NALF1: variants seen among roughly 807,000 people sequenced by gnomAD.
The protein encoded by NALF1 is NALCN channel auxiliary factor 1.
A neutral mutation model predicts 48.4 loss-of-function variants in NALF1; 3 were observed. That is an observed-to-expected ratio of 0.06 (90% CI 0.03 to 0.16). The LOEUF (loss-of-function observed/expected upper bound fraction) is 0.16, where lower values mean the gene tolerates loss of function less well. Among genes scored for constraint, NALF1 ranks in the 10% least tolerant of loss-of-function variants. The probability of loss-of-function intolerance (pLI) is 1.00; values close to 1 mark genes in which losing one functional copy is unlikely to be tolerated. For synonymous variants in NALF1, 262 were observed against 245.7 expected, an observed-to-expected ratio of 1.07 and a Z score of -0.62; for missense variants, 526 against 571.5, an observed-to-expected ratio of 0.92 and a Z score of 0.81.
intron 1 of NALF1, among the ~76,000 whole-genome samples, chr13:107,452,354 G>A (rs1427098588): frequency 6.6e-6 from 1 of 152,158 alleles, no homozygotes; most frequent in Non-Finnish European, 1.5e-5. Flanking sequence ...GACTGGGGAG[G>A]CCTCAGGAAA....
chr13:107,503,078 A>C (rs1875572829), intron 1 of NALF1, among the ~76,000 whole-genome samples: 1 of 152,140 alleles, frequency 6.6e-6, no homozygotes, highest in African/African-American at 2.4e-5. Flanking sequence ...ATAAAACTGA[A>C]TGTGAATGGT....
intron 1 of NALF1, among the ~76,000 whole-genome samples, chr13:107,840,590 A>T (rs1880017102): frequency 6.6e-6 from 1 of 152,228 alleles, no homozygotes; most frequent in Non-Finnish European, 1.5e-5. Flanking sequence ...GCACACAGAC[A>T]TTCAGTGTAC....
At position 107,528,238 on chromosome 13, in the gene NALF1, C is replaced by G. The variant is rs955986361; in HGVS notation, c.916-317483G>C. 3.3e-5 allele frequency among the ~76,000 whole-genome samples: 5 copies of G among 152,004 alleles called. No individual in the cohort carries two copies. The South Asian group carries it at 1.0e-3, about 32-fold the overall frequency. ...AGACCTATTAGAAAAAAAAATAGTT[C>G]CACAATGGGGCCAATATGTTCATGT... On this transcript the variant is annotated intron_variant, in intron 1 of 2. Coordinates refer to ENST00000375915, the MANE Select transcript of NALF1 (RefSeq NM_001080396.3).
intron 1 of NALF1, among the ~76,000 whole-genome samples, chr13:107,858,621 A>C (rs1880494346): frequency 6.6e-6 from 1 of 152,240 alleles, no homozygotes; most frequent in Admixed American, 6.5e-5. Context: ...TGGGAGACAG[A>C]GGTAGCAGTG....
intron 1 of NALF1, among the ~76,000 whole-genome samples, chr13:107,394,522 G>A (rs1373188251): frequency 1.3e-5 from 2 of 152,140 alleles, no homozygotes; most frequent in African/African-American, 4.8e-5. Context: ...ACAGGCCTGT[G>A]TATAGACATA....
chr13:107,375,519 A>G (rs776919780), intron 1 of NALF1, among the ~76,000 whole-genome samples: 1 of 152,124 alleles, frequency 6.6e-6, no homozygotes, highest in Non-Finnish European at 1.5e-5. Flanking sequence ...GCTTTGCTCA[A>G]TTTCAGTTAT....
chr13:107,633,194 T>C (rs1012410645), intron 1 of NALF1, among the ~76,000 whole-genome samples: 16 of 152,098 alleles, frequency 1.1e-4, no homozygotes, highest in African/African-American at 3.9e-4. Context: ...TTTTAGGAGT[T>C]AGTGACTTTT....
chr13:107,400,851 T>C (rs552779491), intron 1 of NALF1, among the ~76,000 whole-genome samples: 94 of 152,292 alleles, frequency 6.2e-4, no homozygotes, highest in Admixed American at 6.0e-3. Flanking sequence ...CAAACCTTCA[T>C]ATATCACTGG....
intron 1 of NALF1, among the ~76,000 whole-genome samples, chr13:107,654,104 T>C (rs923568130): frequency 1.4e-4 from 21 of 152,066 alleles, no homozygotes; most frequent in Non-Finnish European, 2.8e-4. Flanking sequence ...AAGCTGGTTC[T>C]TTAGAAAGAT....
At chr13:107,331,590 T>C (rs1181625618) in intron 1 of NALF1, among the ~76,000 whole-genome samples, 1 of 152,186 alleles carries the variant, frequency 6.6e-6, no homozygotes, top group African/African-American at 2.4e-5. Context: ...TTGTAGACGT[T>C]TACATGGTTA....
chr13:107,235,229 A>T (rs1441265132), intron 1 of NALF1, among the ~76,000 whole-genome samples: 1 of 152,218 alleles, frequency 6.6e-6, no homozygotes, highest in Non-Finnish European at 1.5e-5. Flanking sequence ...CCTATTATTC[A>T]AGTTATCCCA....
chr13:107,242,003 G>A (rs527826786), intron 1 of NALF1, among the ~76,000 whole-genome samples: 6 of 152,030 alleles, frequency 3.9e-5, no homozygotes, highest in Non-Finnish European at 7.4e-5. Context: ...GATGATATTG[G>A]GAAACATTAT....
intron 2 of NALF1, among the ~76,000 whole-genome samples, chr13:107,175,030 C>T (rs1403675107): frequency 1.7e-5 from 2 of 120,446 alleles, no homozygotes; most frequent in African/African-American, 6.8e-5. Flanking sequence ...ACTACAGGCG[C>T]CCGCCACGAC....
At chr13:107,762,114 A>C (rs1159788484) in intron 1 of NALF1, among the ~76,000 whole-genome samples, 1 of 152,176 alleles carries the variant, frequency 6.6e-6, no homozygotes, top group Non-Finnish European at 1.5e-5. Context: ...GCACTGACCC[A>C]GTTATTCAGG....
intron 1 of NALF1, among the ~76,000 whole-genome samples, chr13:107,819,668 G>T (rs1313001097): frequency 7.1e-6 from 1 of 140,306 alleles, no homozygotes; most frequent in Non-Finnish European, 1.5e-5. Flanking sequence ...TGAATCTGCT[G>T]TCTCCAGCTG....
chr13:107,700,811 G>T (rs937401559), intron 1 of NALF1, among the ~76,000 whole-genome samples: 6 of 151,902 alleles, frequency 3.9e-5, no homozygotes, highest in Non-Finnish European at 7.4e-5. Context: ...CAAAAAAACC[G>T]ATTTAAACAT....
chr13:107,478,049 C>T (rs747446502), intron 1 of NALF1, among the ~76,000 whole-genome samples: 2 of 152,076 alleles, frequency 1.3e-5, no homozygotes, highest in African/African-American at 2.4e-5. Flanking sequence ...CTGCTCTCTG[C>T]GTTTAAAACT....
intron 1 of NALF1, among the ~76,000 whole-genome samples, chr13:107,569,393 A>C (rs111643388): frequency 2.0e-5 from 3 of 151,704 alleles, no homozygotes; most frequent in African/African-American, 7.3e-5. Flanking sequence ...AATGACGTGA[A>C]CCCGGGGGGC....
At chr13:107,675,416 A>AT (rs1426369482) in intron 1 of NALF1, among the ~76,000 whole-genome samples, 2 of 152,138 alleles carry the variant, frequency 1.3e-5, no homozygotes, top group Non-Finnish European at 2.9e-5. Context: ...TTTTCTGCGG[A>AT]TGGGGGGGAA....
Sources: allele counts gnomAD v4.1 joint callset (sites outside exome capture counted in the v4.1 genomes callset), GRCh38; gene constraint gnomAD v4.1.1; transcripts MANE v1.5; gene names NCBI Gene and HGNC (gene_info 2026-07-23, HGNC 2026-07-21).